The following CNTNAP1 variants were observed in gnomAD, a reference collection of about 807,000 sequenced individuals.
CNTNAP1 encodes the protein contactin associated protein 1.
A neutral mutation model predicts 161.5 loss-of-function variants in CNTNAP1; 80 were observed. The ratio of observed to expected loss-of-function variants is 0.50; its 90% confidence interval spans 0.41 to 0.60. The LOEUF is 0.60. Ranked by LOEUF, CNTNAP1 falls within the 20% of genes least tolerant of loss-of-function variation. The probability of loss-of-function intolerance (pLI) is 0.00; values close to 1 mark genes in which losing one functional copy is unlikely to be tolerated. For synonymous variants in CNTNAP1, 695 were observed against 733.1 expected, an observed-to-expected ratio of 0.95 and a Z score of 0.84; for missense variants, 1,464 against 1,854.8, an observed-to-expected ratio of 0.79 and a Z score of 3.87.
Position 42,697,804 on chromosome 17 carries a change from A to G in CNTNAP1, c.3814+5A>G, listed in dbSNP as rs1429058928. 2 of 1,614,194 alleles carry G rather than the reference A, an allele frequency of 1.2e-6. No individual in the cohort carries two copies. ...ATCCCTGGTATCTGCCCCCAGGTAC[A>G]TTCCCAGGACACAGAGGACAGAAGG... On this transcript the variant is annotated splice_donor_5th_base_variant and intron_variant, in intron 22 of 23. Coordinates refer to ENST00000264638, the MANE Select transcript of CNTNAP1 (RefSeq NM_003632.3).
rs1278644389 is a variant in CNTNAP1, at chr17:42,691,062, T to C, written c.2060-75T>C. 1.3e-6 allele frequency: 2 copies of C among 1,596,628 alleles called. No individual in the cohort carries two copies. The highest frequency in any genetic ancestry group is 8.5e-7 in the Non-Finnish European group (1 of 1,170,686). ...GGAAGATTCAAGGAGGGGTCTGAAC[T>C]CGCTGGAAGGGCGAGAGGAGCCCAG... On this transcript the variant is annotated intron_variant, in intron 13 of 23. Transcript: ENST00000264638. This position sits in a 1 kb window ranked among gnomAD's most constrained non-coding sequence, Gnocchi z 4.3.
At position 42,692,504 on chromosome 17, in the gene CNTNAP1, C is replaced by T. The variant is rs781224353; in HGVS notation, c.2536C>T (p.Arg846Trp). The T allele has an allele frequency of 1.4e-5, 22 of 1,613,570 alleles. No individual in the cohort carries two copies. Among genetic ancestry groups the T allele is most frequent in the East Asian group, 4.5e-5 (2 of 44,896 alleles). The change falls in exon 17 of 24, where the codon CGG (arginine) becomes TGG (tryptophan). Residue 846 changes from arginine to tryptophan, a missense_variant. Arg to Trp is a moderately radical substitution (Grantham distance 101). Transcript: ENST00000264638. ...PYVRVELNTS[R>W]DVVFAFDVGN... The stretch of plus-strand genomic sequence containing the variant: ...CCCTGCATCACACTGTCCAGCATCC[C>T]GGGATGTGGTCTTCGCCTTTGATGT...
chr17:42,698,984 G>A lies in CNTNAP1; in HGVS notation c.*74G>A, dbSNP rs2143684657. 1 of 1,373,842 alleles carries A rather than the reference G, an allele frequency of 7.3e-7. No individual in the cohort carries two copies. The allele number at this position is 1,373,842 out of a possible 1,614,324, so 85.1% of individuals were successfully genotyped here. ...CCTGCCTCTCCCCCATCCTATCAGGGACATTTGGCTCCTCTTAGCTGGCTC... is the reference window on the plus strand; with the variant it reads ...CCTGCCTCTCCCCCATCCTATCAGGAACATTTGGCTCCTCTTAGCTGGCTC... On this transcript the variant is annotated 3_prime_UTR_variant, in exon 24 of 24. Transcript: ENST00000264638.
rs762196959 is a variant in CNTNAP1 at position 42,687,030 on chromosome 17, C to T, written c.1028C>T (p.Ser343Phe). 16 of 1,613,080 alleles carry T rather than the reference C, an allele frequency of 9.9e-6. No individual in the cohort carries two copies. The Admixed American group carries it at 2.3e-4, about 24-fold the overall frequency. The change falls in exon 7 of 24, where the codon TCC (serine) becomes TTC (phenylalanine). Residue 343 changes from serine to phenylalanine, a missense_variant. By Grantham distance (155) the Ser-to-Phe change is radical (BLOSUM62 -2). This residue lies in a region of CNTNAP1 where 1,383 missense variants were observed against 1,765.0 expected (regional missense o/e 0.78). Transcript: ENST00000264638. This position sits in a 1 kb window ranked among gnomAD's most constrained non-coding sequence, Gnocchi z 4.7. ...NIADLAVRRH[S>F]RITFEGKVAF... is the part of the protein sequence containing the mutation. Reference sequence around the variant, plus strand: ...GCAGACCTGGCCGTGCGGCGCCATTCCCGGATCACCTTCGAGGCCAGTGGG... The same window carrying T: ...GCAGACCTGGCCGTGCGGCGCCATTTCCGGATCACCTTCGAGGCCAGTGGG...
At position 42,685,293 on chromosome 17, in the gene CNTNAP1, G is replaced by A; in HGVS notation, c.588G>A (p.Trp196Ter). 6.2e-7 allele frequency: 1 copy of A among 1,613,486 alleles called. No individual in the cohort carries two copies. Among genetic ancestry groups the A allele is most frequent in the Non-Finnish European group, 8.5e-7 (1 of 1,180,034 alleles). Residue 196 changes from tryptophan (W) to a stop codon, truncating the protein, a stop_gained, in exon 5 of 24, where the codon TGG (tryptophan) becomes TGA (stop). Coordinates refer to ENST00000264638, the MANE Select transcript of CNTNAP1 (RefSeq NM_003632.3). LOFTEE classifies it high-confidence loss of function. This position sits in a 1 kb window ranked among gnomAD's most constrained non-coding sequence, Gnocchi z 5.0. ...RFPRGVSRSL[W>*]DVFAFSFKTE... ...CGCGAGGGGTCAGCCGAAGCCTGTG[G>A]GACGTGTTCGCCTTCAGCTTCAAGA...
chr17:42,683,047 G>A, intron 1 of CNTNAP1, 151 bp downstream of exon 1: 2 of 748,874 alleles, frequency 2.7e-6, no homozygotes, highest in South Asian at 3.7e-5. Context: ...TCTCCCCCGC[G>A]CTCCGCATTG....
chr17:42,683,801 A>AC lies in CNTNAP1; in HGVS notation c.68-20_68-19insC. ...CTGGGAGGGGCCAGCGCTGACTAACAGTCGGTTTCCCTACCCTAGACGGCT... is the reference window on the plus strand; with the variant it reads ...CTGGGAGGGGCCAGCGCTGACTAACACGTCGGTTTCCCTACCCTAGACGGCT... On this transcript the variant is annotated intron_variant, in intron 1 of 23. Coordinates refer to ENST00000264638, the MANE Select transcript of CNTNAP1 (RefSeq NM_003632.3). 1.2e-6 allele frequency: 2 copies of AC among 1,607,322 alleles called. No individual in the cohort carries two copies. The highest frequency in any genetic ancestry group is 2.2e-5 in the South Asian group (2 of 90,980).
At chr17:42,698,480 TGCAG>T in intron 23 of CNTNAP1, 134 bp from the exon 24 acceptor site, 2 of 628,686 alleles carry the variant, frequency 3.2e-6, no homozygotes, top group Non-Finnish European at 5.4e-6. Flanking sequence ...TGTGTGTGTG[TGCAG>T]GTGAAATCCC....
intron 11 of CNTNAP1, chr17:42,689,843 C>A: frequency 1.7e-6 from 1 of 576,902 alleles, no homozygotes; most frequent in South Asian, 1.9e-5. Flanking sequence ...TGGGTTCAAG[C>A]GATTCTCCTG....
rs753292452 is a variant in CNTNAP1, at chr17:42,690,902, C to A, written c.2019C>A (p.Ile673=). The A allele has an allele frequency of 2.7e-5, 44 of 1,614,044 alleles. 2 individuals carry two copies. Among genetic ancestry groups the A allele is most frequent in the Middle Eastern group, 3.3e-4 (2 of 6,084 alleles). Residue 673 remains isoleucine (I), a synonymous_variant, in exon 13 of 24, where the codon ATC becomes ATA. Transcript: ENST00000264638. ...CTTCCCAGCATTGTGAACAGTGGAT[C>A]GAGTTCTCCTGCTACAATTCCCGGC... The part of the protein sequence containing the change: ...ANASQHCEQW[I]EFSCYNSRLL...
intron 8 of CNTNAP1, 22 bp from the exon 9 acceptor site, chr17:42,688,440 A>G (rs776362191): frequency 3.5e-5 from 57 of 1,613,954 alleles, no homozygotes; most frequent in Admixed American, 5.0e-5. Flanking sequence ...CTCCACCCAC[A>G]CCATCATCCA....
intron 12 of CNTNAP1, among the ~76,000 whole-genome samples, chr17:42,690,451 G>A (rs2053070140): frequency 6.6e-6 from 1 of 151,070 alleles, no homozygotes. Context: ...TTGAACCTGG[G>A]AGGTGGAGGT....
chr17:42,687,465 G>T lies in CNTNAP1; in HGVS notation c.1045-255G>T. On this transcript the variant is annotated intron_variant, in intron 7 of 23. Transcript: ENST00000264638. This position sits in a 1 kb window ranked among gnomAD's most constrained non-coding sequence, Gnocchi z 4.7. The stretch of plus-strand genomic sequence containing the variant: ...AAATTGCCTCTCGATACTGGAAGGA[G>T]AGAAGCGGTCGAATCGCAGACGGTG... 1.7e-6 allele frequency: 1 copy of T among 573,304 alleles called. No homozygotes were observed. Among genetic ancestry groups the T allele is most frequent in the Non-Finnish European group, 3.1e-6 (1 of 325,052 alleles). The allele number at this position is 573,304 out of a possible 1,614,324, so 35.5% of individuals were successfully genotyped here.
chr17:42,689,933 G>A (rs1339234453), intron 11 of CNTNAP1, 155 bp from the exon 12 acceptor site: 1 of 751,628 alleles, frequency 1.3e-6, no homozygotes, highest in African/African-American at 1.8e-5. Context: ...TAGAGATGGG[G>A]TTTCACCATG....
chr17:42,689,176 ATTC>A, intron 10 of CNTNAP1, 129 bp downstream of exon 10: 3 of 926,678 alleles, frequency 3.2e-6, no homozygotes, highest in Non-Finnish European at 4.8e-6. Flanking sequence ...CTTGGGGATG[ATTC>A]TTCTTTGATC....
In CNTNAP1 at chr17:42,688,377, TG is replaced by T. The variant is rs1567971707; in HGVS notation, c.1307-81del. 4 of 1,575,830 alleles carry T rather than the reference TG, an allele frequency of 2.5e-6. No individual in the cohort carries two copies. In the Admixed American group the frequency reaches 6.7e-5, roughly 26 times the overall value. On this transcript the variant is annotated intron_variant, in intron 8 of 23. Coordinates refer to ENST00000264638, the MANE Select transcript of CNTNAP1 (RefSeq NM_003632.3). The stretch of plus-strand genomic sequence containing the variant: ...CACACAGGCTGCTACTGGGACACAG[TG>T]GGGCTGCTGCTTCCCCACTCAGAAC...
Position 42,690,730 on chromosome 17 carries a change from G to C in CNTNAP1, c.1856-9G>C. 1 of 1,612,276 alleles carries C rather than the reference G, an allele frequency of 6.2e-7. No individual in the cohort carries two copies. The highest frequency in any genetic ancestry group is 8.5e-7 in the Non-Finnish European group (1 of 1,178,496). ...TCCAGCCAAAGCTCTGTCCCCTCTT[G>C]TCTGCCAGAGAACCGAGCGTGGACA... On this transcript the variant is annotated splice_polypyrimidine_tract_variant and intron_variant, in intron 12 of 23. Transcript: ENST00000264638.
Position 42,684,113 on chromosome 17 carries a change from C to A in CNTNAP1, c.247C>A (p.Arg83=), listed in dbSNP as rs1398891828. 2 of 1,614,092 alleles carry A rather than the reference C, an allele frequency of 1.2e-6. No homozygotes were observed. Among genetic ancestry groups the A allele is most frequent in the African/African-American group, 1.3e-5 (1 of 74,912 alleles). ...QIDLMKKHRI[R]AVATQGSFNS... ...AGACTTAATGAAGAAGCACCGGATC[C>A]GGGCCGTGGCCACACAGGGCTCCTT... The change falls in exon 3 of 24, where the codon CGG becomes AGG. Residue 83 remains arginine (R), a synonymous_variant. Transcript: ENST00000264638.
Position 42,690,762 on chromosome 17 carries a change from C to G in CNTNAP1, c.1879C>G (p.Arg627Gly). The change falls in exon 13 of 24, where the codon CGG (arginine) becomes GGG (glycine). Residue 627 changes from arginine (R) to glycine (G), a missense_variant. Transcript: ENST00000264638. Reference sequence around the variant, plus strand: ...AGAGAACCGAGCGTGGACAGTTGTGCGGCATGACAGGCTGTGGACAACTCG... The same window carrying G: ...AGAGAACCGAGCGTGGACAGTTGTGGGGCATGACAGGCTGTGGACAACTCG... The part of the protein sequence containing the change: ...IRENRAWTVV[R>G]HDRLWTTRVT... 1.2e-6 allele frequency: 2 copies of G among 1,614,118 alleles called. No individual in the cohort carries two copies. Among genetic ancestry groups the G allele is most frequent in the Non-Finnish European group, 1.7e-6 (2 of 1,180,012 alleles).
Sources: gnomAD v4.1 joint callset for allele counts (sites outside exome capture counted in the v4.1 genomes callset) on GRCh38, gnomAD v4.1.1 for gene constraint, gnomAD v4.1.1 regional missense constraint, Gnocchi (gnomAD v3.1) non-coding constraint, MANE v1.5 for transcripts, NCBI Gene and HGNC (gene_info 2026-07-23, HGNC 2026-07-21) for gene names.